BRDT: variants seen among roughly 807,000 people sequenced by gnomAD.
The protein encoded by BRDT is bromodomain testis-specific protein.
Under a neutral mutation model 113.9 loss-of-function variants are expected in BRDT, and 77 were observed. That is an observed-to-expected ratio of 0.68 (90% confidence interval 0.56 to 0.82). The LOEUF (loss-of-function observed/expected upper bound fraction) is 0.82. Among genes scored for constraint, BRDT ranks in the 40% least tolerant of loss-of-function variants. The pLI, the probability that BRDT is intolerant of heterozygous loss-of-function variation, is 0.00. For missense variants in BRDT, 1,027 were observed against 1,105.4 expected (o/e 0.93, Z 1.01); for synonymous variants, 358 against 366.5 (o/e 0.98, Z 0.26).
chr1:92,006,069 T>C (rs565017968), intron 18 of BRDT, among the ~76,000 whole-genome samples: 1 of 152,402 alleles, frequency 6.6e-6, no homozygotes, highest in Admixed American at 6.5e-5. Flanking sequence ...TAGTGATTTC[T>C]AATTTAATTC....
chr1:91,977,449 T>C, intron 6 of BRDT, 56 bp downstream of exon 6: 2 of 1,321,128 alleles, frequency 1.5e-6, no homozygotes, highest in Non-Finnish European at 2.1e-6. Context: ...AAGTAATTCA[T>C]CATTGCAAAG....
intron 15 of BRDT, among the ~76,000 whole-genome samples, chr1:91,995,855 C>T (rs1314979651): frequency 6.6e-6 from 1 of 152,072 alleles, no homozygotes; most frequent in East Asian, 1.9e-4. Context: ...TCAGGCTGGT[C>T]TCGAACTCTT....
At chr1:91,997,255 G>A (rs1226367988) in intron 15 of BRDT, among the ~76,000 whole-genome samples, 2 of 152,038 alleles carry the variant, frequency 1.3e-5, no homozygotes, top group African/African-American at 4.8e-5. Flanking sequence ...CTGTTGTGAT[G>A]GGGCAGAAAC....
intron 18 of BRDT, among the ~76,000 whole-genome samples, chr1:92,006,555 C>T (rs1687324232): frequency 6.6e-6 from 1 of 151,564 alleles, no homozygotes; most frequent in Non-Finnish European, 1.5e-5. Context: ...CAACCTCCAC[C>T]TCCTGGGTTC....
intron 3 of BRDT, among the ~76,000 whole-genome samples, chr1:91,965,357 T>TATGTTTTAAAA (rs1452169077): frequency 1.7e-4 from 26 of 152,246 alleles, no homozygotes; most frequent in Admixed American, 3.9e-4. Flanking sequence ...AAAACCAAAA[T>TATGTTTTAAAA]ACCAATGAGA....
At chr1:92,013,980 T>G (rs1688015146) in intron 18 of BRDT, among the ~76,000 whole-genome samples, 1 of 152,176 alleles carries the variant, frequency 6.6e-6, no homozygotes. Flanking sequence ...GTAGGTTTTG[T>G]TTTTTATTTA....
intron 2 of BRDT, among the ~76,000 whole-genome samples, chr1:91,963,784 T>C (rs370620017): frequency 7.6e-5 from 9 of 118,254 alleles, no homozygotes; most frequent in African/African-American, 2.7e-4. Flanking sequence ...TTCATCTTTA[T>C]TGGCTTTTTT....
chr1:91,991,205 A>C lies in BRDT; in HGVS notation c.2024A>C (p.Glu675Ala). ...SESEMFPKFT[E>A]VKPNDSPSKE... Reference sequence around the variant, plus strand: ...GCAGAAATGTTCCCTAAGTTTACAGAAGTAAAACCAAATGATTCTCCTTCT... The same window carrying C: ...GCAGAAATGTTCCCTAAGTTTACAGCAGTAAAACCAAATGATTCTCCTTCT... The change falls in exon 13 of 19, where the codon GAA becomes GCA. Residue 675 changes from glutamate to alanine, a missense_variant. Physicochemically the swap from Glu to Ala is moderately radical, Grantham distance 107. Transcript: ENST00000399546. 1 of 1,542,460 alleles carries C rather than the reference A, an allele frequency of 6.5e-7. No individual in the cohort carries two copies. The highest frequency in any genetic ancestry group is 8.9e-7 in the Non-Finnish European group (1 of 1,127,192).
At chr1:91,954,497 C>T (rs1681509376) in intron 1 of BRDT, among the ~76,000 whole-genome samples, 1 of 152,064 alleles carries the variant, frequency 6.6e-6, no homozygotes, top group African/African-American at 2.4e-5. Context: ...CCAAGATGGT[C>T]TCAAACTCCT....
chr1:91,950,365 G>C (rs1680916249), intron 1 of BRDT: 1 of 152,550 alleles, frequency 6.6e-6, no homozygotes, highest in South Asian at 2.1e-4. Flanking sequence ...CAGGAGAATC[G>C]CTTGAACCCA....
Position 91,964,485 on chromosome 1 carries a change from G to A in BRDT, c.193-142G>A, listed in dbSNP as rs2101582300. The stretch of plus-strand genomic sequence containing the variant: ...TGCGGGACTACAGGCGTGAGCCACT[G>A]TGCCCAGCCAGAATATGGCTTTTTA... On this transcript the variant is annotated intron_variant, in intron 2 of 18. Coordinates refer to ENST00000399546, the MANE Select transcript of BRDT (RefSeq NM_207189.4). The A allele has an allele frequency of 5.9e-6, 3 of 512,708 alleles. No homozygotes were observed. The East Asian group carries it at 1.1e-4, about 19-fold the overall frequency. 31.8% of individuals were successfully genotyped at this position (512,708 alleles called of 1,614,324 possible).
At chr1:91,960,894 T>C (rs1483828830) in intron 1 of BRDT, among the ~76,000 whole-genome samples, 6 of 152,234 alleles carry the variant, frequency 3.9e-5, no homozygotes, top group African/African-American at 1.4e-4. Flanking sequence ...AAAGTAATGA[T>C]GCTGTCTAGG....
intron 1 of BRDT, among the ~76,000 whole-genome samples, chr1:91,953,160 C>A (rs1340888963): frequency 2.0e-5 from 3 of 148,002 alleles, no homozygotes; most frequent in African/African-American, 7.5e-5. Context: ...CAAATTGAAG[C>A]CTGATCTAAG....
intron 1 of BRDT, among the ~76,000 whole-genome samples, chr1:91,962,115 A>C (rs912208716): frequency 3.6e-5 from 4 of 109,610 alleles, no homozygotes; most frequent in African/African-American, 1.4e-4. Flanking sequence ...ACTGCACTCC[A>C]GCCTGGGTGA....
At chr1:92,011,862 G>A (rs1165383734) in intron 18 of BRDT, among the ~76,000 whole-genome samples, 1 of 152,134 alleles carries the variant, frequency 6.6e-6, no homozygotes, top group Non-Finnish European at 1.5e-5. Context: ...ATAATAACTT[G>A]ACACTTAGCA....
chr1:91,992,395 A>G lies in BRDT; in HGVS notation c.2115+81A>G, dbSNP rs570830486. 13 of 595,388 alleles carry G rather than the reference A, an allele frequency of 2.2e-5. No individual in the cohort carries two copies. The African/African-American group carries it at 2.4e-4, about 11-fold the overall frequency. 36.9% of individuals were successfully genotyped at this position (595,388 alleles called of 1,614,324 possible). A position where few individuals can be genotyped will look rare whatever the true frequency, so the allele number is the denominator to read the frequency against. On this transcript the variant is annotated intron_variant, in intron 14 of 18. Coordinates refer to ENST00000399546, the MANE Select transcript of BRDT (RefSeq NM_207189.4). Reference sequence around the variant, plus strand: ...TAGGGGCTTACTTTTTAAAATAAGTAATAGCATGAAGAGAGGCAAAAAAAA... The same window carrying G: ...TAGGGGCTTACTTTTTAAAATAAGTGATAGCATGAAGAGAGGCAAAAAAAA...
chr1:91,992,313 A>G lies in BRDT; in HGVS notation c.2114A>G (p.Gln705Arg). The part of the protein sequence containing the change: ...IPPEGRTGVT[Q>R]IGYCVQDTTS... Reference sequence around the variant, plus strand: ...CCTGAAGGAAGAACAGGCGTCACACAGGTAATGCTTAAAATGTGTTTTAAA... The same window carrying G: ...CCTGAAGGAAGAACAGGCGTCACACGGGTAATGCTTAAAATGTGTTTTAAA... The change falls in exon 14 of 19, where the codon CAG (glutamine) becomes CGG (arginine). Residue 705 changes from glutamine (Q) to arginine (R), a missense_variant and splice_region_variant. Coordinates refer to ENST00000399546, the MANE Select transcript of BRDT (RefSeq NM_207189.4). The G allele has an allele frequency of 1.3e-6, 2 of 1,505,444 alleles. No homozygotes were observed. The highest frequency in any genetic ancestry group is 1.8e-6 in the Non-Finnish European group (2 of 1,122,252). 93.3% of individuals were successfully genotyped at this position (1,505,444 alleles called of 1,614,324 possible). A position where few individuals can be genotyped will look rare whatever the true frequency, so the allele number is the denominator to read the frequency against.
chr1:91,991,496 C>G (rs1439282618), intron 13 of BRDT, among the ~76,000 whole-genome samples: 1 of 152,138 alleles, frequency 6.6e-6, no homozygotes, highest in Non-Finnish European at 1.5e-5. Context: ...ATTCTAGAAG[C>G]TTCAGCTTAT....
intron 15 of BRDT, among the ~76,000 whole-genome samples, chr1:91,997,040 G>GA (rs1307692904): frequency 6.7e-6 from 1 of 149,874 alleles, no homozygotes; most frequent in African/African-American, 2.4e-5. Flanking sequence ...AGTAAAAGTA[G>GA]AAAAAAATAG....
Sources: allele counts gnomAD v4.1 joint callset (sites outside exome capture counted in the v4.1 genomes callset), GRCh38; gene constraint gnomAD v4.1.1; transcripts MANE v1.5; gene names NCBI Gene and HGNC (gene_info 2026-07-23, HGNC 2026-07-21).